The following TRABD2B variants were observed in gnomAD, a reference collection of about 807,000 sequenced individuals.
TRABD2B encodes metalloprotease TIKI2.
TRABD2B carries 14 observed loss-of-function variants against 40.1 expected under a neutral mutation model. That is an observed-to-expected ratio of 0.35 (90% CI 0.23 to 0.55). TRABD2B has a LOEUF of 0.55. Among genes scored for constraint, TRABD2B ranks in the 20% least tolerant of loss-of-function variants. The pLI, the probability that TRABD2B is intolerant of heterozygous loss-of-function variation, is 0.90. For synonymous variants in TRABD2B, 263 were observed against 277.0 expected (o/e 0.95, Z 0.50); for missense variants, 541 against 648.6 (o/e 0.83, Z 1.80).
intron 2 of TRABD2B, among the ~76,000 whole-genome samples, chr1:47,975,145 A>G (rs1480094935): frequency 6.6e-6 from 1 of 152,234 alleles, no homozygotes; most frequent in Non-Finnish European, 1.5e-5. Flanking sequence ...TCTGAGTAAC[A>G]TATGGACTTT....
In TRABD2B at chr1:47,831,756, G is replaced by T. The variant is rs150580557; in HGVS notation, c.667-30137C>A. ...GTGAGTTGGCATGCTCCTTGGCCTG[G>T]GTGTGTAGTTCCCACCCACAGCTAC... On this transcript the variant is annotated intron_variant, in intron 2 of 6. Coordinates refer to ENST00000606738, the MANE Select transcript of TRABD2B (RefSeq NM_001194986.2). 5.4e-3 allele frequency among the ~76,000 whole-genome samples: 828 copies of T among 152,206 alleles called. 11 individuals carry two copies. The highest frequency in any genetic ancestry group is 0.019 in the African/African-American group (788 of 41,506).
intron 2 of TRABD2B, among the ~76,000 whole-genome samples, chr1:47,922,429 A>G (rs1469628397): frequency 6.6e-6 from 1 of 152,136 alleles, no homozygotes; most frequent in Non-Finnish European, 1.5e-5. Context: ...GTCAAGGTGG[A>G]TCATAACACA....
At chr1:47,862,930 A>G (rs1262764529) in intron 2 of TRABD2B, among the ~76,000 whole-genome samples, 1 of 152,214 alleles carries the variant, frequency 6.6e-6, no homozygotes, top group Non-Finnish European at 1.5e-5. Context: ...ATAGACTCAC[A>G]TAAATGTAGT....
chr1:47,811,736 C>A (rs1341107032), intron 2 of TRABD2B, among the ~76,000 whole-genome samples: 2 of 152,150 alleles, frequency 1.3e-5, no homozygotes, highest in African/African-American at 4.8e-5. Flanking sequence ...ACAGCTAAGT[C>A]CAAGGGCGCT....
chr1:47,820,785 CACA>C (rs1645096966), intron 2 of TRABD2B, among the ~76,000 whole-genome samples: 1 of 2,272 alleles, frequency 4.4e-4, no homozygotes, highest in African/African-American at 1.4e-3. Flanking sequence ...ACACACACCA[CACA>C]CACACACACA....
chr1:47,918,147 G>A (rs1215121507), intron 2 of TRABD2B, among the ~76,000 whole-genome samples: 1 of 152,182 alleles, frequency 6.6e-6, no homozygotes, highest in East Asian at 1.9e-4. Flanking sequence ...TCCTTGAAGT[G>A]CCCTGAGTGG....
chr1:47,978,675 G>C (rs139992231), intron 2 of TRABD2B, among the ~76,000 whole-genome samples: 66 of 152,310 alleles, frequency 4.3e-4, no homozygotes, highest in African/African-American at 1.6e-3. Flanking sequence ...ACCCAAGGCT[G>C]TTTATGGCTT....
intron 2 of TRABD2B, among the ~76,000 whole-genome samples, chr1:47,872,821 C>T (rs1436350149): frequency 6.6e-6 from 1 of 152,144 alleles, no homozygotes; most frequent in African/African-American, 2.4e-5. Context: ...TTGACCTGGG[C>T]ATGGCTGCTA....
chr1:47,904,840 T>C (rs1229319095), intron 2 of TRABD2B, among the ~76,000 whole-genome samples: 1 of 152,244 alleles, frequency 6.6e-6, no homozygotes, highest in Non-Finnish European at 1.5e-5. Flanking sequence ...CTCACTCTGC[T>C]TTCAAAATAT....
rs1291973350 is a variant in TRABD2B at position 47,909,477 on chromosome 1, AAGGAGAAGGAGAAGG to A, written c.666+84542_666+84556del. On this transcript the variant is annotated intron_variant, in intron 2 of 6. Transcript: ENST00000606738. ...GAAGGAGAAGGAGAAGGGGAAGGAG[AAGGAGAAGGAGAAGG>A]AGGAGAAGGAGGAGAAGGAGAAGGG... Among the ~76,000 whole-genome samples the A allele has an allele frequency of 9.8e-4, 73 of 74,330 alleles. No homozygotes were observed. In the South Asian group the frequency reaches 0.032, roughly 33 times the overall value. The allele number at this position is 74,330 out of a possible 152,430, so 48.8% of individuals were successfully genotyped here.
At chr1:47,771,681 C>T (rs992540423) in intron 6 of TRABD2B, among the ~76,000 whole-genome samples, 6 of 152,374 alleles carry the variant, frequency 3.9e-5, no homozygotes, top group African/African-American at 1.4e-4. Context: ...CAGCCCTGCC[C>T]TTCCCCCAAG....
chr1:47,784,634 G>A (rs1459417772), intron 4 of TRABD2B, among the ~76,000 whole-genome samples: 5 of 152,222 alleles, frequency 3.3e-5, no homozygotes, highest in Non-Finnish European at 5.9e-5. Flanking sequence ...AGGACAGGCC[G>A]GCCGGATATC....
Position 47,813,063 on chromosome 1 carries a change from C to T in TRABD2B, c.667-11444G>A, listed in dbSNP as rs1450610954. 6.6e-6 allele frequency among the ~76,000 whole-genome samples: 1 copy of T among 152,218 alleles called. No individual in the cohort carries two copies. The highest frequency in any genetic ancestry group is 1.5e-5 in the Non-Finnish European group (1 of 68,034). On this transcript the variant is annotated intron_variant, in intron 2 of 6. Coordinates refer to ENST00000606738, the MANE Select transcript of TRABD2B (RefSeq NM_001194986.2). This position sits in a 1 kb window ranked among gnomAD's most constrained non-coding sequence, Gnocchi z 4.3. ...CACTGTTATTGTTATTAAGCAGCTG[C>T]TTCCATTGGTTCGAGGCATGTCATT... is the stretch of plus-strand genomic sequence containing the variant.
At chr1:47,824,772 C>A (rs538186453) in intron 2 of TRABD2B, among the ~76,000 whole-genome samples, 1 of 152,262 alleles carries the variant, frequency 6.6e-6, no homozygotes, top group African/African-American at 2.4e-5. Flanking sequence ...CCATTGTTTC[C>A]GGGCCCAGAG....
intron 4 of TRABD2B, 46 bp downstream of exon 4, chr1:47,794,540 T>C: frequency 6.8e-7 from 1 of 1,472,930 alleles, no homozygotes; most frequent in Non-Finnish European, 9.0e-7. Flanking sequence ...GCCAAGCAAA[T>C]CTCCCAGGAT....
rs1382790983 is a variant in TRABD2B, at chr1:47,810,988, G to A, written c.667-9369C>T. Among the ~76,000 whole-genome samples, 5 of 152,246 alleles carry A rather than the reference G, an allele frequency of 3.3e-5. No individual in the cohort carries two copies. The South Asian group carries it at 6.2e-4, about 19-fold the overall frequency. ...TGCTGCGTCAGCTCATGCACAGGGTGGGGCAGGGAGAGCAGAAAGTGGATC... is the reference window on the plus strand; with the variant it reads ...TGCTGCGTCAGCTCATGCACAGGGTAGGGCAGGGAGAGCAGAAAGTGGATC... On this transcript the variant is annotated intron_variant, in intron 2 of 6. Coordinates refer to ENST00000606738, the MANE Select transcript of TRABD2B (RefSeq NM_001194986.2).
At chr1:47,826,428 A>G (rs1645174858) in intron 2 of TRABD2B, among the ~76,000 whole-genome samples, 1 of 152,088 alleles carries the variant, frequency 6.6e-6, no homozygotes, top group African/African-American at 2.4e-5. Context: ...TATGTAATTT[A>G]TTTTAAAATA....
At chr1:47,937,195 C>T (rs1324350847) in intron 2 of TRABD2B, among the ~76,000 whole-genome samples, 1 of 149,656 alleles carries the variant, frequency 6.7e-6, no homozygotes, top group Non-Finnish European at 1.5e-5. Context: ...ATCATTATCA[C>T]CATCATCATC....
chr1:47,866,189 A>G lies in TRABD2B; in HGVS notation c.667-64570T>C, dbSNP rs531443174. On this transcript the variant is annotated intron_variant, in intron 2 of 6. Coordinates refer to ENST00000606738, the MANE Select transcript of TRABD2B (RefSeq NM_001194986.2). ...GGAAATCAGCCTCGGCATATAAAAC[A>G]TCAGGAACAAGCAGGAACGAGCAGA... is the stretch of plus-strand genomic sequence containing the variant. Among the ~76,000 whole-genome samples the G allele has an allele frequency of 1.6e-4, 25 of 151,808 alleles. No homozygotes were observed. The South Asian group carries it at 4.2e-3, about 25-fold the overall frequency.
Sources: gnomAD v4.1 joint callset for allele counts (sites outside exome capture counted in the v4.1 genomes callset) on GRCh38, gnomAD v4.1.1 for gene constraint, Gnocchi (gnomAD v3.1) non-coding constraint, MANE v1.5 for transcripts, NCBI Gene and HGNC (gene_info 2026-07-23, HGNC 2026-07-21) for gene names.